The following PGA5 variants were observed in gnomAD, a reference collection of about 807,000 sequenced individuals.
PGA5 encodes pepsinogen A5.
Under a neutral mutation model 15.9 loss-of-function variants are expected in PGA5, and 19 were observed. The observed-to-expected ratio is 1.19, with a 90% CI of 0.83 to 1.75. The LOEUF (loss-of-function observed/expected upper bound fraction) is 1.75, where lower values mean the gene tolerates loss of function less well. PGA5 is among the 40% of genes most tolerant of loss of function. PGA5 has a pLI of 0.00. For missense variants in PGA5, 224 were observed against 246.4 expected (o/e 0.91, Z 0.61); for synonymous variants, 92 against 95.8 (o/e 0.96, Z 0.23).
intron 7 of PGA5, 27 bp from the exon 8 acceptor site, chr11:61,249,889 A>C: frequency 6.2e-7 from 1 of 1,613,476 alleles, no homozygotes; most frequent in Non-Finnish European, 8.5e-7. Flanking sequence ...AAACCCTTCT[A>C]ACTTTTCTCA....
chr11:61,246,211 C>T (rs1227613605), intron 5 of PGA5, 66 bp downstream of exon 5: 47 of 300,594 alleles, frequency 1.6e-4, no homozygotes, highest in Non-Finnish European at 2.6e-4. Context: ...TCCTGCCCAG[C>T]AGGAGCTGTC....
intron 5 of PGA5, chr11:61,248,136 G>T (rs1854090855): frequency 2.8e-6 from 2 of 723,664 alleles, no homozygotes; most frequent in Admixed American, 2.1e-5. Context: ...CAAACTATAA[G>T]GCCTGTGTTC....
intron 5 of PGA5, chr11:61,247,972 A>C (rs1312561792): frequency 1.6e-5 from 9 of 571,232 alleles, no homozygotes. Context: ...ACAATCCAAA[A>C]TGTCTCCAGA....
intron 7 of PGA5, 30 bp downstream of exon 7, chr11:61,249,843 C>T (rs772057512): frequency 1.2e-6 from 2 of 1,613,734 alleles, no homozygotes; most frequent in South Asian, 1.1e-5. Context: ...CCCTGTTCTA[C>T]ACTCAAGTAG....
At chr11:61,248,376 G>A in intron 5 of PGA5, 43 bp from the exon 6 acceptor site, 1 of 1,613,790 alleles carries the variant, frequency 6.2e-7, no homozygotes, top group Non-Finnish European at 8.5e-7. Context: ...CACACAAATG[G>A]ACGAACAAAA....
At chr11:61,249,481 G>A in intron 6 of PGA5, 188 bp from the exon 7 acceptor site, 1 of 1,160,630 alleles carries the variant, frequency 8.6e-7, no homozygotes, top group Non-Finnish European at 1.2e-6. Context: ...GCAGAGGGTA[G>A]GCACTTGGGA....
chr11:61,247,966 T>C (rs982018491), intron 5 of PGA5, among the ~76,000 whole-genome samples: 1 of 151,854 alleles, frequency 6.6e-6, no homozygotes, highest in Admixed American at 6.6e-5. Flanking sequence ...ATCATGACAA[T>C]CCAAAATGTC....
At chr11:61,247,272 G>A (rs1590591374) in intron 5 of PGA5, among the ~76,000 whole-genome samples, 1 of 150,508 alleles carries the variant, frequency 6.6e-6, no homozygotes, top group Middle Eastern at 3.4e-3. Flanking sequence ...GTTCTCGGAT[G>A]ATTAATTTCT....
intron 6 of PGA5, 183 bp from the exon 7 acceptor site, chr11:61,249,486 T>C (rs1174574767): frequency 8.3e-7 from 1 of 1,208,446 alleles, no homozygotes; most frequent in Admixed American, 2.2e-5. Flanking sequence ...GGGTAGGCAC[T>C]TGGGAAATAT....
intron 5 of PGA5, among the ~76,000 whole-genome samples, chr11:61,247,513 G>A (rs1421795551): frequency 2.6e-5 from 4 of 151,798 alleles, no homozygotes; most frequent in Admixed American, 6.6e-5. Context: ...TCCTGACCTC[G>A]TGATCCACCT....
At chr11:61,247,223 G>A (rs78243949) in intron 5 of PGA5, among the ~76,000 whole-genome samples, 2,357 of 151,764 alleles carry the variant, frequency 0.016, 26 homozygotes, top group Non-Finnish European at 0.024. Context: ...CAAAGGTGGG[G>A]TGGGTTCAGT....
rs375991948 is a variant in PGA5, at chr11:61,248,504, G to A, written c.742G>A (p.Val248Ile). The A allele has an allele frequency of 9.2e-5, 148 of 1,613,102 alleles. No homozygotes were observed. In the African/African-American group the frequency reaches 9.2e-4, roughly 10 times the overall value. ...AAGTCTGAACTGGGTGCCTGTTACC[G>A]TCGAGGGTTACTGGCAGATCACCGT... ...TGSLNWVPVT[V>I]EGYWQITVDS... The change falls in exon 6 of 9, where the codon GTC (valine) becomes ATC (isoleucine). Residue 248 changes from valine (V) to isoleucine (I), a missense_variant. Val to Ile is a conservative substitution (Grantham distance 29). Coordinates refer to ENST00000312403, the MANE Select transcript of PGA5 (RefSeq NM_014224.5).
chr11:61,247,176 C>G (rs1318247766), intron 5 of PGA5, among the ~76,000 whole-genome samples: 1 of 151,928 alleles, frequency 6.6e-6, no homozygotes, highest in Non-Finnish European at 1.5e-5. Flanking sequence ...ACGTCTAGGT[C>G]CTCACTATAT....
rs771615758 is a variant in PGA5 at position 61,248,433 on chromosome 11, G to T, written c.671G>T (p.Gly224Val). ...SVYLSADDKS[G>V]SVVIFGGIDS... Reference sequence around the variant, plus strand: ...ACTTTCCACAGCGATGACAAGAGTGGCAGCGTGGTGATCTTTGGTGGCATT... The same window carrying T: ...ACTTTCCACAGCGATGACAAGAGTGTCAGCGTGGTGATCTTTGGTGGCATT... The change falls in exon 6 of 9, where the codon GGC becomes GTC. Residue 224 changes from glycine to valine, a missense_variant. Gly to Val is a moderately radical substitution (Grantham distance 109). Transcript: ENST00000312403. The T allele has an allele frequency of 5.3e-5, 86 of 1,613,708 alleles. No individual in the cohort carries two copies. Among genetic ancestry groups the T allele is most frequent in the Non-Finnish European group, 6.4e-5 (76 of 1,179,878 alleles).
chr11:61,248,305 C>A (rs189722405), intron 5 of PGA5, 114 bp from the exon 6 acceptor site: 4 of 1,612,760 alleles, frequency 2.5e-6, no homozygotes, highest in South Asian at 2.2e-5. Context: ...TGGTCACACC[C>A]CAGGACAGCC....
intron 8 of PGA5, among the ~76,000 whole-genome samples, chr11:61,250,299 G>T (rs959593886): frequency 6.6e-6 from 1 of 151,314 alleles, no homozygotes; most frequent in Admixed American, 6.6e-5. Context: ...TGAATTACTA[G>T]CCCATTGATT....
rs192502423 is a variant in PGA5, at chr11:61,248,099, T to G, written c.657-320T>G. On this transcript the variant is annotated intron_variant, in intron 5 of 8. Transcript: ENST00000312403. ...CCTGGGGTCCCCATGGCAACCAGAG[T>G]GGGTACCACGGTGGAAACCACACAT... 817 of 643,118 alleles carry G rather than the reference T, an allele frequency of 1.3e-3. 8 individuals are homozygous for G. Among genetic ancestry groups the G allele is most frequent in the Middle Eastern group, 7.2e-3 (26 of 3,592 alleles). The allele number at this position is 643,118 out of a possible 1,614,324, so 39.8% of individuals were successfully genotyped here.
intron 5 of PGA5, among the ~76,000 whole-genome samples, chr11:61,247,222 G>C (rs1048940692): frequency 1.3e-4 from 19 of 151,864 alleles, no homozygotes; most frequent in Admixed American, 1.1e-3. Flanking sequence ...GCAAAGGTGG[G>C]GTGGGTTCAG....
chr11:61,247,661 A>G (rs1389551660), intron 5 of PGA5, among the ~76,000 whole-genome samples: 1 of 152,066 alleles, frequency 6.6e-6, no homozygotes, highest in African/African-American at 2.4e-5. Context: ...GAATATTGCA[A>G]TAACAAGGAC....
Sources: allele counts gnomAD v4.1 joint callset (sites outside exome capture counted in the v4.1 genomes callset), GRCh38; gene constraint gnomAD v4.1.1; transcripts MANE v1.5; gene names NCBI Gene and HGNC (gene_info 2026-07-23, HGNC 2026-07-21).